Variants in NALF1 observed in about 807,000 individuals in gnomAD.
NALF1 encodes the protein family with sequence similarity 155 member A.
In NALF1, 3 loss-of-function variants were observed where a neutral mutation model predicts 48.4. That is an observed-to-expected ratio of 0.06 (90% confidence interval 0.03 to 0.16). The LOEUF is 0.16. NALF1 is among the 10% of genes least tolerant of loss of function. The pLI is 1.00. For missense variants in NALF1, 526 were observed against 571.5 expected (o/e 0.92, Z 0.81); for synonymous variants, 262 against 245.7 (o/e 1.07, Z -0.62).
intron 1 of NALF1, among the ~76,000 whole-genome samples, chr13:107,315,770 T>C (rs1459864219): frequency 1.3e-5 from 2 of 151,644 alleles, no homozygotes; most frequent in East Asian, 3.9e-4. Flanking sequence ...GCATCTCTCT[T>C]TGCTTAAAAT....
At chr13:107,530,528 A>G (rs2139106845) in intron 1 of NALF1, among the ~76,000 whole-genome samples, 1 of 152,238 alleles carries the variant, frequency 6.6e-6, no homozygotes, top group South Asian at 2.1e-4. Flanking sequence ...TTAAATGACA[A>G]GATTTTTATG....
intron 1 of NALF1, among the ~76,000 whole-genome samples, chr13:107,825,156 G>A (rs898545083): frequency 3.9e-5 from 6 of 152,114 alleles, no homozygotes; most frequent in Admixed American, 3.3e-4. Context: ...TTTGGAATGC[G>A]TTATAGTTAC....
intron 1 of NALF1, among the ~76,000 whole-genome samples, chr13:107,677,328 C>T (rs1036028109): frequency 1.3e-5 from 2 of 152,178 alleles, no homozygotes; most frequent in Non-Finnish European, 2.9e-5. Context: ...AGGCATGAGC[C>T]ACCGTGCCCA....
At chr13:107,629,270 C>T (rs191536930) in intron 1 of NALF1, among the ~76,000 whole-genome samples, 21 of 152,280 alleles carry the variant, frequency 1.4e-4, no homozygotes, top group African/African-American at 5.1e-4. Context: ...GCAGTAATCA[C>T]TAATACATCA....
At chr13:107,790,465 T>TTCTGTAAG (rs1878198762) in intron 1 of NALF1, among the ~76,000 whole-genome samples, 1 of 152,196 alleles carries the variant, frequency 6.6e-6, no homozygotes, top group South Asian at 2.1e-4. Context: ...TTTAAATCTG[T>TTCTGTAAG]TCTGTAAGTA....
intron 1 of NALF1, among the ~76,000 whole-genome samples, chr13:107,344,435 T>C (rs1345521625): frequency 6.6e-6 from 1 of 152,160 alleles, no homozygotes; most frequent in Admixed American, 6.5e-5. Flanking sequence ...CAAAAATCCT[T>C]AACAAAACAC....
At chr13:107,820,913 G>A (rs930482664) in intron 1 of NALF1, among the ~76,000 whole-genome samples, 7 of 152,002 alleles carry the variant, frequency 4.6e-5, no homozygotes, top group African/African-American at 1.2e-4. Flanking sequence ...AACATCATCC[G>A]GCACTACCTG....
intron 1 of NALF1, among the ~76,000 whole-genome samples, chr13:107,749,123 T>C (rs1044017074): frequency 1.7e-5 from 2 of 119,184 alleles, no homozygotes; most frequent in Non-Finnish European, 3.5e-5. Flanking sequence ...CTATAATGTC[T>C]ATAATTGTGT....
intron 1 of NALF1, among the ~76,000 whole-genome samples, chr13:107,523,384 T>G (rs142778122): frequency 0.044 from 6,645 of 152,162 alleles, 232 homozygotes; most frequent in East Asian, 0.1. Context: ...ATTTTATTAT[T>G]ATTATACTTT....
At chr13:107,683,529 A>G (rs1038950532) in intron 1 of NALF1, among the ~76,000 whole-genome samples, 1 of 152,196 alleles carries the variant, frequency 6.6e-6, no homozygotes, top group Non-Finnish European at 1.5e-5. Context: ...TTAACCGAGC[A>G]TTAGGTCTTC....
intron 1 of NALF1, among the ~76,000 whole-genome samples, chr13:107,393,782 AG>A (rs1160765000): frequency 6.6e-6 from 1 of 152,242 alleles, no homozygotes; most frequent in Non-Finnish European, 1.5e-5. Context: ...GAATCAGTCA[AG>A]GTGACTTGAG....
chr13:107,485,036 C>A (rs776199903), intron 1 of NALF1, among the ~76,000 whole-genome samples: 2 of 152,058 alleles, frequency 1.3e-5, no homozygotes, highest in Non-Finnish European at 2.9e-5. Context: ...ACATGATAGC[C>A]TCATAAATGC....
At chr13:107,813,818 C>G (rs1328891264) in intron 1 of NALF1, among the ~76,000 whole-genome samples, 1 of 152,074 alleles carries the variant, frequency 6.6e-6, no homozygotes, top group Non-Finnish European at 1.5e-5. Context: ...ACTGGAGATG[C>G]AGGTGGGTCT....
intron 1 of NALF1, among the ~76,000 whole-genome samples, chr13:107,651,534 A>C (rs1880451973): frequency 6.6e-6 from 1 of 152,222 alleles, no homozygotes; most frequent in Admixed American, 6.5e-5. Flanking sequence ...TGTTGCAATA[A>C]TGAAAACCTC....
intron 1 of NALF1, among the ~76,000 whole-genome samples, chr13:107,658,329 G>T (rs991055999): frequency 6.6e-6 from 1 of 151,930 alleles, no homozygotes; most frequent in African/African-American, 2.4e-5. Context: ...AGCCTCATCT[G>T]TCTACTTTCC....
At chr13:107,471,539 G>A (rs1170524309) in intron 1 of NALF1, among the ~76,000 whole-genome samples, 5 of 152,088 alleles carry the variant, frequency 3.3e-5, no homozygotes. Context: ...CCATGGCGTG[G>A]ATATTATGTA....
chr13:107,658,989 G>A (rs1024036793), intron 1 of NALF1, among the ~76,000 whole-genome samples: 3 of 151,814 alleles, frequency 2.0e-5, no homozygotes, highest in South Asian at 2.1e-4. Context: ...CATGTTAGTG[G>A]AAACAAAACT....
chr13:107,813,342 G>A (rs60321466), intron 1 of NALF1, among the ~76,000 whole-genome samples: 8,329 of 152,148 alleles, frequency 0.055, 783 homozygotes, highest in African/African-American at 0.19. Context: ...ATAAACACAA[G>A]CTTAAAACGT....
chr13:107,321,113 C>A (rs925335031), intron 1 of NALF1: 1 of 152,028 alleles, frequency 6.6e-6, no homozygotes, highest in Non-Finnish European at 1.5e-5. Flanking sequence ...GTGGGTGAAG[C>A]AAATCTAGAA....
Sources: gnomAD v4.1 joint callset for allele counts (sites outside exome capture counted in the v4.1 genomes callset) on GRCh38, gnomAD v4.1.1 for gene constraint, MANE v1.5 for transcripts, NCBI Gene and HGNC (gene_info 2026-07-23, HGNC 2026-07-21) for gene names.